CSNK2A2: variants seen among roughly 807,000 people sequenced by gnomAD.
The protein encoded by CSNK2A2 is casein kinase II subunit alpha'.
Under a neutral mutation model 54.0 loss-of-function variants are expected in CSNK2A2, and 8 were observed. The observed-to-expected ratio is 0.15, with a 90% CI of 0.09 to 0.27. CSNK2A2 has a LOEUF of 0.27. CSNK2A2 is among the 10% of genes least tolerant of loss of function. The probability of loss-of-function intolerance (pLI) is 1.00; values close to 1 mark genes in which losing one functional copy is unlikely to be tolerated. For synonymous variants in CSNK2A2, 141 were observed against 153.9 expected, an observed-to-expected ratio of 0.92 and a Z score of 0.62; for missense variants, 242 against 439.4, an observed-to-expected ratio of 0.55 and a Z score of 4.02.
chr16:58,190,308 C>G (rs1024828769), intron 2 of CSNK2A2, among the ~76,000 whole-genome samples: 27 of 152,022 alleles, frequency 1.8e-4, no homozygotes, highest in Non-Finnish European at 3.5e-4. Context: ...CAGGCAGGAA[C>G]ATATCTACAG....
chr16:58,174,337 C>T, intron 5 of CSNK2A2, 114 bp downstream of exon 5: 1 of 709,556 alleles, frequency 1.4e-6, no homozygotes, highest in South Asian at 2.1e-5. Flanking sequence ...AAAAACTTCA[C>T]TAAATCCTCT....
chr16:58,196,693 T>G (rs536395783), intron 2 of CSNK2A2, 40 bp downstream of exon 2: 1 of 1,324,920 alleles, frequency 7.5e-7, no homozygotes, highest in Non-Finnish European at 1.1e-6. Context: ...TTTTGCCCTG[T>G]GGGGAGGAAA....
chr16:58,165,673 C>T lies in CSNK2A2; in HGVS notation c.863G>A (p.Ser288Asn). 6.2e-7 allele frequency: 1 copy of T among 1,613,100 alleles called. No individual in the cohort carries two copies. Among genetic ancestry groups the T allele is most frequent in the Non-Finnish European group, 8.5e-7 (1 of 1,179,774 alleles). Residue 288 changes from serine to asparagine, a missense_variant, in exon 10 of 12, where the codon AGT becomes AAT. Ser to Asn is a conservative substitution (Grantham distance 46). Transcript: ENST00000262506. ...SRKRWENFIH[S>N]ENRHLVSPEA... is the part of the protein sequence containing the mutation. ...AGGGCTGACAAGGTGTCTGTTCTCACTATGGATAAAGTTTTCCCAGCGTTT... is the reference window on the plus strand; with the variant it reads ...AGGGCTGACAAGGTGTCTGTTCTCATTATGGATAAAGTTTTCCCAGCGTTT...
At chr16:58,194,779 A>G (rs188084444) in intron 2 of CSNK2A2, among the ~76,000 whole-genome samples, 38 of 152,328 alleles carry the variant, frequency 2.5e-4, no homozygotes, top group African/African-American at 8.9e-4. Context: ...CAGCTTACAT[A>G]CTGGGTTTCC....
chr16:58,197,706 G>C lies in CSNK2A2; in HGVS notation c.31C>G (p.Arg11Gly). The change falls in exon 1 of 12, where the codon CGG (arginine) becomes GGG (glycine). Residue 11 changes from arginine to glycine, a missense_variant. Arg to Gly is a moderately radical substitution (Grantham distance 125, BLOSUM62 -2). Transcript: ENST00000262506. This position sits in a 1 kb window ranked among gnomAD's most constrained non-coding sequence, Gnocchi z 4.0. ...AGACTGTTCACCTCGGCGTAGACCC[G>C]GGCCCTGCTGCCCGCGGCCGGGCCG... Reference protein sequence around the residue: MPGPAAGSRARVYAEVNSLRS... With the variant: MPGPAAGSRAGVYAEVNSLRS... The C allele has an allele frequency of 6.6e-7, 1 of 1,514,708 alleles. No individual in the cohort carries two copies. Among genetic ancestry groups the C allele is most frequent in the Non-Finnish European group, 8.8e-7 (1 of 1,131,676 alleles). The allele number at this position is 1,514,708 out of a possible 1,614,324, so 93.8% of individuals were successfully genotyped here. A position where few individuals can be genotyped will look rare whatever the true frequency, so the allele number is the denominator to read the frequency against.
intron 2 of CSNK2A2, among the ~76,000 whole-genome samples, chr16:58,193,097 T>C (rs1191475043): frequency 6.6e-6 from 1 of 152,218 alleles, no homozygotes; most frequent in African/African-American, 2.4e-5. Flanking sequence ...GAGACATTAG[T>C]GAAAATCAGA....
At chr16:58,175,017 A>T (rs1256168774) in intron 4 of CSNK2A2, among the ~76,000 whole-genome samples, 1 of 152,234 alleles carries the variant, frequency 6.6e-6, no homozygotes, top group Non-Finnish European at 1.5e-5. Context: ...GAGGTGCTAT[A>T]GCATTTGCAG....
At position 58,197,099 on chromosome 16, in the gene CSNK2A2, G is replaced by A; in HGVS notation, c.105-255C>T. The A allele has an allele frequency of 4.4e-6, 2 of 454,334 alleles. No individual in the cohort carries two copies. The highest frequency in any genetic ancestry group is 4.1e-6 in the Non-Finnish European group (1 of 246,806). The allele number at this position is 454,334 out of a possible 1,614,324, so 28.1% of individuals were successfully genotyped here. A position where few individuals can be genotyped will look rare whatever the true frequency, so the allele number is the denominator to read the frequency against. ...GCAACGCTCTGAGCCAATCCAGAGG[G>A]GCGAGCAAAGCACCCGTCCTGAAGG... On this transcript the variant is annotated intron_variant, in intron 1 of 11. Coordinates refer to ENST00000262506, the MANE Select transcript of CSNK2A2 (RefSeq NM_001896.4). The surrounding 1 kb of genome is among the most constrained non-coding windows in gnomAD (Gnocchi z 4.0).
intron 11 of CSNK2A2, chr16:58,162,455 T>C (rs1053928632): frequency 3.3e-5 from 5 of 152,208 alleles, no homozygotes; most frequent in African/African-American, 1.2e-4. Context: ...GAGAAGAGTT[T>C]CATTTGTATT....
At chr16:58,190,493 T>A (rs1171280621) in intron 2 of CSNK2A2, among the ~76,000 whole-genome samples, 1 of 152,204 alleles carries the variant, frequency 6.6e-6, no homozygotes, top group East Asian at 1.9e-4. Flanking sequence ...CCTGGTGGCA[T>A]CCCTAAAACT....
At chr16:58,171,979 A>ATATATTTTTTTTT (rs1261137669) in intron 5 of CSNK2A2, among the ~76,000 whole-genome samples, 15 of 66,186 alleles carry the variant, frequency 2.3e-4, no homozygotes, top group Non-Finnish European at 2.2e-4. Context: ...ATATATATAT[A>ATATATTTTTTTTT]TTTTTTTTTT....
At chr16:58,166,130 A>C (rs1361497647) in intron 9 of CSNK2A2, among the ~76,000 whole-genome samples, 3 of 152,210 alleles carry the variant, frequency 2.0e-5, no homozygotes, top group East Asian at 3.8e-4. Flanking sequence ...ACATTATTGC[A>C]ATGTACCTGA....
rs1277588489 is a variant in CSNK2A2, at chr16:58,158,314, C to T, written c.*57G>A. 6.5e-6 allele frequency: 1 copy of T among 152,718 alleles called. No individual in the cohort carries two copies. Among genetic ancestry groups the T allele is most frequent in the Non-Finnish European group, 1.5e-5 (1 of 68,086 alleles). 9.5% of individuals were successfully genotyped at this position (152,718 alleles called of 1,614,324 possible). ...ACGCGTTAAGACGTTTGATTTGGTT[C>T]TTGTTCTGCTTATGGAAAAGTGGGA... On this transcript the variant is annotated 3_prime_UTR_variant, in exon 12 of 12. Coordinates refer to ENST00000262506, the MANE Select transcript of CSNK2A2 (RefSeq NM_001896.4).
chr16:58,159,162 G>A (rs1415747928), intron 11 of CSNK2A2: 1 of 152,256 alleles, frequency 6.6e-6, no homozygotes, highest in African/African-American at 2.4e-5. Flanking sequence ...CACTTCAGCT[G>A]ATTCCAAGCA....
In CSNK2A2 at chr16:58,197,336, G is replaced by A. The variant is rs1962484790; in HGVS notation, c.104+297C>T. ...CCCCAGTGGAAACCCAGAAGTGTGAGGAAGGGCAGCTCCCTCACTTCCACC... is the reference window on the plus strand; with the variant it reads ...CCCCAGTGGAAACCCAGAAGTGTGAAGAAGGGCAGCTCCCTCACTTCCACC... On this transcript the variant is annotated intron_variant, in intron 1 of 11. Transcript: ENST00000262506. This position sits in a 1 kb window ranked among gnomAD's most constrained non-coding sequence, Gnocchi z 4.0. The A allele has an allele frequency of 2.9e-6, 1 of 348,266 alleles. No homozygotes were observed. The highest frequency in any genetic ancestry group is 6.2e-5 in the East Asian group (1 of 16,010). 21.6% of individuals were successfully genotyped at this position (348,266 alleles called of 1,614,324 possible).
Position 58,184,304 on chromosome 16 carries a change from T to C in CSNK2A2, c.325A>G (p.Thr109Ala). The change falls in exon 4 of 12, where the codon ACA becomes GCA. Residue 109 changes from threonine to alanine, a missense_variant. By Grantham distance (58) the Thr-to-Ala change is moderately conservative. Transcript: ENST00000262506. ...IDTVKDPVSK[T>A]PALVFEYINN... ...ATATATTCAAATACCAAAGCTGGTGTCTTTGACTGTAAAAGAGAATATTAA... is the reference window on the plus strand; with the variant it reads ...ATATATTCAAATACCAAAGCTGGTGCCTTTGACTGTAAAAGAGAATATTAA... 6.3e-7 allele frequency: 1 copy of C among 1,592,556 alleles called. No individual in the cohort carries two copies. Among genetic ancestry groups the C allele is most frequent in the Non-Finnish European group, 8.6e-7 (1 of 1,162,620 alleles).
chr16:58,179,630 T>G (rs1961975276), intron 4 of CSNK2A2, among the ~76,000 whole-genome samples: 1 of 152,186 alleles, frequency 6.6e-6, no homozygotes, highest in South Asian at 2.1e-4. Flanking sequence ...CTTCCAATTT[T>G]CCAAGTAAAA....
chr16:58,186,879 G>C, intron 2 of CSNK2A2, 23 bp from the exon 3 acceptor site: 4 of 1,535,078 alleles, frequency 2.6e-6, no homozygotes, highest in Non-Finnish European at 3.6e-6. Flanking sequence ...AGAGTAATCA[G>C]AAGTGAGACT....
intron 2 of CSNK2A2, among the ~76,000 whole-genome samples, chr16:58,191,248 G>A (rs1200217927): frequency 6.6e-6 from 1 of 152,208 alleles, no homozygotes; most frequent in African/African-American, 2.4e-5. Context: ...TTAATGGATA[G>A]AGTTTCCATT....
Sources: allele counts gnomAD v4.1 joint callset (sites outside exome capture counted in the v4.1 genomes callset), GRCh38; gene constraint gnomAD v4.1.1; non-coding constraint Gnocchi (gnomAD v3.1); transcripts MANE v1.5; gene names NCBI Gene and HGNC (gene_info 2026-07-23, HGNC 2026-07-21).